The following ATF3 variants were observed in gnomAD, a reference collection of about 807,000 sequenced individuals.
ATF3 encodes the protein cyclic AMP-dependent transcription factor ATF-3.
A neutral mutation model predicts 18.4 loss-of-function variants in ATF3; 10 were observed. The ratio of observed to expected loss-of-function variants is 0.54; its 90% CI spans 0.34 to 0.92. The LOEUF (loss-of-function observed/expected upper bound fraction) is 0.92, where lower values mean the gene tolerates loss of function less well. ATF3 is among the 40% of genes least tolerant of loss of function. The probability of loss-of-function intolerance (pLI) is 0.02; values close to 1 mark genes in which losing one functional copy is unlikely to be tolerated. For missense variants in ATF3, 183 were observed against 222.3 expected, an observed-to-expected ratio of 0.82 and a Z score of 1.12; for synonymous variants, 78 against 87.9, an observed-to-expected ratio of 0.89 and a Z score of 0.63.
chr1:212,598,931 A>C (rs1483630350), intron 1 of ATF3, among the ~76,000 whole-genome samples: 2 of 152,224 alleles, frequency 1.3e-5, no homozygotes, highest in Non-Finnish European at 2.9e-5. Flanking sequence ...ATGGGAGTGC[A>C]GATATCTCCT....
At chr1:212,609,690 C>T (rs1389209949) in intron 1 of ATF3, among the ~76,000 whole-genome samples, 1 of 152,276 alleles carries the variant, frequency 6.6e-6, no homozygotes, top group Non-Finnish European at 1.5e-5. Flanking sequence ...CTGGGACTCT[C>T]ACTCTGGCTT....
chr1:212,604,033 C>A (rs528824496), upstream of ATF3, among the ~76,000 whole-genome samples: 4 of 152,064 alleles, frequency 2.6e-5, no homozygotes, highest in Non-Finnish European at 4.4e-5. Flanking sequence ...TTGTCTGTTT[C>A]CCAAATTTTC....
At position 212,616,440 on chromosome 1, in the gene ATF3, G is replaced by A. The variant is rs138475651; in HGVS notation, c.240+1179G>A. Among the ~76,000 whole-genome samples the A allele has an allele frequency of 4.6e-5, 7 of 152,208 alleles. No individual in the cohort carries two copies. In the East Asian group the frequency reaches 1.4e-3, roughly 29 times the overall value. Reference sequence around the variant, plus strand: ...GTCTTCCAAATAGCTGGGATTACAGGTGCCCGCCACACGTCTGGCTAATTT... The same window carrying A: ...GTCTTCCAAATAGCTGGGATTACAGATGCCCGCCACACGTCTGGCTAATTT... On this transcript the variant is annotated intron_variant, in intron 2 of 3. Coordinates refer to ENST00000341491, the MANE Select transcript of ATF3 (RefSeq NM_001674.4).
chr1:212,605,477 C>T (rs184452300), upstream of ATF3, among the ~76,000 whole-genome samples: 132 of 152,348 alleles, frequency 8.7e-4, no homozygotes, highest in African/African-American at 2.6e-3. Flanking sequence ...TACTCTGCCG[C>T]TTCTCTGGCA....
intron 1 of ATF3, among the ~76,000 whole-genome samples, chr1:212,565,970 G>T (rs1664375581): frequency 1.3e-5 from 2 of 152,280 alleles, no homozygotes; most frequent in South Asian, 2.1e-4. Flanking sequence ...TGGGGCCCTT[G>T]TGTTTTGGGA....
intron 1 of ATF3, among the ~76,000 whole-genome samples, chr1:212,571,009 G>A (rs1373485627): frequency 6.6e-6 from 1 of 152,148 alleles, no homozygotes; most frequent in Non-Finnish European, 1.5e-5. Flanking sequence ...GCATAGGATA[G>A]ATGTATATTT....
intron 1 of ATF3, among the ~76,000 whole-genome samples, chr1:212,586,716 T>C (rs969517572): frequency 6.6e-6 from 1 of 152,178 alleles, no homozygotes; most frequent in African/African-American, 2.4e-5. Context: ...AAAATAAACA[T>C]GTGAAGTGCT....
intron 1 of ATF3, among the ~76,000 whole-genome samples, chr1:212,567,037 CTTCCT>C (rs1664394689): frequency 6.6e-6 from 1 of 152,234 alleles, no homozygotes; most frequent in Admixed American, 6.5e-5. Flanking sequence ...TTACTTAACT[CTTCCT>C]TTCATGTTGC....
intron 1 of ATF3, among the ~76,000 whole-genome samples, chr1:212,587,870 T>C (rs1172624155): frequency 7.2e-6 from 1 of 139,396 alleles, no homozygotes; most frequent in African/African-American, 2.8e-5. Context: ...AACAGAATTG[T>C]GGGAAATGGG....
At chr1:212,572,960 C>CT (rs1234082475) in intron 1 of ATF3, among the ~76,000 whole-genome samples, 21 of 152,134 alleles carry the variant, frequency 1.4e-4, no homozygotes, top group Admixed American at 1.2e-3. Context: ...GCTTTTGTGT[C>CT]TTTTTTATAT....
intron 1 of ATF3, among the ~76,000 whole-genome samples, chr1:212,589,643 A>G (rs1664844535): frequency 1.3e-5 from 2 of 151,594 alleles, no homozygotes; most frequent in African/African-American, 4.9e-5. Flanking sequence ...AGATTGCACC[A>G]CTGCACTCCA....
intron 1 of ATF3, among the ~76,000 whole-genome samples, chr1:212,587,595 A>G (rs983823115): frequency 2.6e-5 from 4 of 152,224 alleles, no homozygotes; most frequent in Admixed American, 1.3e-4. Flanking sequence ...ATACCCCAGA[A>G]TATGAACTTA....
chr1:212,600,534 T>G (rs993242687), intron 1 of ATF3, among the ~76,000 whole-genome samples: 1 of 152,254 alleles, frequency 6.6e-6, no homozygotes, highest in Non-Finnish European at 1.5e-5. Context: ...AGGACAGAGA[T>G]GAGCAGGGCA....
In ATF3 at chr1:212,618,609, C is replaced by T; in HGVS notation, c.348+375C>T. On this transcript the variant is annotated intron_variant, in intron 3 of 3. Coordinates refer to ENST00000341491, the MANE Select transcript of ATF3 (RefSeq NM_001674.4). The surrounding 1 kb of genome is among the most constrained non-coding windows in gnomAD (Gnocchi z 4.4). ...CTCTCATTTGGCTCACTATGAAAAG[C>T]CTTTAATTAATCTCTTCAAACAAGT... 2.6e-6 allele frequency: 1 copy of T among 390,372 alleles called. No homozygotes were observed. Among genetic ancestry groups the T allele is most frequent in the Non-Finnish European group, 4.8e-6 (1 of 209,882 alleles). 24.2% of individuals were successfully genotyped at this position (390,372 alleles called of 1,614,324 possible).
intron 1 of ATF3, among the ~76,000 whole-genome samples, chr1:212,591,234 C>A (rs986545151): frequency 2.6e-5 from 4 of 152,222 alleles, no homozygotes; most frequent in African/African-American, 9.7e-5. Context: ...GAGCCTCCTG[C>A]ACCGCAGTCT....
At chr1:212,576,725 T>TC (rs1308385158) in intron 1 of ATF3, among the ~76,000 whole-genome samples, 1 of 120,564 alleles carries the variant, frequency 8.3e-6, no homozygotes, top group Non-Finnish European at 1.7e-5. Flanking sequence ...TCTTTTCTTT[T>TC]TTTTTTTTTT....
rs11571554 is a variant in ATF3 at position 212,619,384 on chromosome 1, T to C, written c.375T>C (p.Asn125=). 1,787 of 1,613,782 alleles carry C rather than the reference T, an allele frequency of 1.1e-3. 38 individuals are homozygous for C. In the South Asian group the frequency reaches 0.019, roughly 17 times the overall value. ...AGTCGGAGAAGCTGGAAAGTGTGAATGCTGAACTGAAGGCTCAGATTGAGG... is the reference window on the plus strand; with the variant it reads ...AGTCGGAGAAGCTGGAAAGTGTGAACGCTGAACTGAAGGCTCAGATTGAGG... ...QKESEKLESV[N]AELKAQIEEL... is the part of the protein sequence containing the mutation. Residue 125 remains asparagine, a synonymous_variant, in exon 4 of 4, where the codon AAT becomes AAC. Transcript: ENST00000341491. The surrounding 1 kb of genome is among the most constrained non-coding windows in gnomAD (Gnocchi z 4.4).
chr1:212,614,975 C>G, intron 1 of ATF3, 43 bp from the exon 2 acceptor site: 1 of 1,613,978 alleles, frequency 6.2e-7, no homozygotes. Flanking sequence ...GATCCCATGC[C>G]CCAGAGCCCC....
In ATF3 at chr1:212,588,389, A is replaced by G. The variant is rs1664818239; in HGVS notation, c.-5+22906A>G. 1.3e-5 allele frequency among the ~76,000 whole-genome samples: 2 copies of G among 152,176 alleles called. 1 individual carries two copies. The highest frequency in any genetic ancestry group is 1.3e-4 in the Admixed American group (2 of 15,286). Reference sequence around the variant, plus strand: ...GCTGACATTGTGTCCACCAATAAAGAATCACATCTCGTCACCCTAGGGTGT... The same window carrying G: ...GCTGACATTGTGTCCACCAATAAAGGATCACATCTCGTCACCCTAGGGTGT... On this transcript the variant is annotated intron_variant, in intron 1 of 3. Transcript: ENST00000366981.
Sources: gnomAD v4.1 joint callset for allele counts (sites outside exome capture counted in the v4.1 genomes callset) on GRCh38, gnomAD v4.1.1 for gene constraint, Gnocchi (gnomAD v3.1) non-coding constraint, MANE v1.5 for transcripts, NCBI Gene and HGNC (gene_info 2026-07-23, HGNC 2026-07-21) for gene names.